The following ADAP1 variants were observed in gnomAD, a reference collection of about 807,000 sequenced individuals.
ADAP1 encodes arf-GAP with dual PH domain-containing protein 1.
A neutral mutation model predicts 54.9 loss-of-function variants in ADAP1; 31 were observed. The ratio of observed to expected loss-of-function variants is 0.56; its 90% CI spans 0.42 to 0.76. The LOEUF is 0.76. ADAP1 is among the 30% of genes least tolerant of loss of function. ADAP1 has a pLI of 0.00. For synonymous variants in ADAP1, 313 were observed against 202.6 expected (o/e 1.55, Z -4.63); for missense variants, 535 against 512.4 (o/e 1.04, Z -0.42).
At position 900,596 on chromosome 7, in the gene ADAP1, A is replaced by G. The variant is rs1383581974; in HGVS notation, c.669T>C (p.Asn223=). The G allele has an allele frequency of 8.1e-6, 13 of 1,608,114 alleles. No individual in the cohort carries two copies. The highest frequency in any genetic ancestry group is 1.4e-5 in the African/African-American group (1 of 73,570). The change falls in exon 7 of 11, where the codon AAT becomes AAC. Residue 223 remains asparagine, a synonymous_variant. Coordinates refer to ENST00000265846, the MANE Select transcript of ADAP1 (RefSeq NM_006869.4). Reference sequence around the variant, plus strand: ...AGTGGAAGCGAGCAGCTCGGAGTGCATTGAACCAGTCCACAATCTCCTAGG... The same window carrying G: ...AGTGGAAGCGAGCAGCTCGGAGTGCGTTGAACCAGTCCACAATCTCCTAGG... ...EDGKEIVDWF[N]ALRAARFHYL...
At chr7:903,303 G>C (rs540858712) in intron 6 of ADAP1, among the ~76,000 whole-genome samples, 1 of 151,880 alleles carries the variant, frequency 6.6e-6, no homozygotes, top group Non-Finnish European at 1.5e-5. Context: ...GGACGGGCAC[G>C]TGGGAGGGGA....
At chr7:907,430 G>C (rs531714325) in intron 4 of ADAP1, among the ~76,000 whole-genome samples, 7 of 152,280 alleles carry the variant, frequency 4.6e-5, no homozygotes, top group Non-Finnish European at 7.4e-5. Context: ...CCCAGAACCA[G>C]CTCTGCCCAC....
intron 4 of ADAP1, among the ~76,000 whole-genome samples, chr7:917,302 AG>A (rs36003242): frequency 4.9e-4 from 3 of 6,130 alleles, no homozygotes; most frequent in Non-Finnish European, 2.7e-4. Flanking sequence ...GGTGCACGGG[AG>A]GGGGGGCGCA....
At chr7:924,061 C>CA (rs1157720819) in intron 3 of ADAP1, among the ~76,000 whole-genome samples, 25 of 140,484 alleles carry the variant, frequency 1.8e-4, no homozygotes, top group East Asian at 4.2e-4. Context: ...CCCCGCCCTC[C>CA]GGGTTACACT....
Position 904,117 on chromosome 7 carries a change from A to T in ADAP1, c.648+9T>A, listed in dbSNP as rs1844965845. The T allele has an allele frequency of 1.9e-6, 3 of 1,611,724 alleles. No homozygotes were observed. In the Admixed American group the frequency reaches 5.0e-5, roughly 27 times the overall value. On this transcript the variant is annotated intron_variant, in intron 6 of 10. Coordinates refer to ENST00000265846, the MANE Select transcript of ADAP1 (RefSeq NM_006869.4). ...TGCCACCCGGGCCCGAGTGCTCGCCAGCACCCACCTTCCCGTCCTCATGGT... is the reference window on the plus strand; with the variant it reads ...TGCCACCCGGGCCCGAGTGCTCGCCTGCACCCACCTTCCCGTCCTCATGGT...
At chr7:929,965 G>A (rs994321791) in intron 2 of ADAP1, among the ~76,000 whole-genome samples, 10 of 151,716 alleles carry the variant, frequency 6.6e-5, no homozygotes, top group Admixed American at 4.6e-4. Context: ...TTAGCCAGGC[G>A]TGGTGGTGCA....
intron 1 of ADAP1, among the ~76,000 whole-genome samples, chr7:940,114 C>T (rs878894357): frequency 4.6e-5 from 7 of 151,986 alleles, no homozygotes; most frequent in South Asian, 2.1e-4. Flanking sequence ...TACATACGTG[C>T]GTGCATACCC....
chr7:934,388 AG>A (rs1012202190), intron 2 of ADAP1, among the ~76,000 whole-genome samples: 2 of 66,122 alleles, frequency 3.0e-5, no homozygotes, highest in African/African-American at 1.0e-4. Flanking sequence ...GTGGTGTTGG[AG>A]AGGGGGGGCC....
At chr7:927,765 C>T (rs953052975) in intron 2 of ADAP1, among the ~76,000 whole-genome samples, 2 of 152,168 alleles carry the variant, frequency 1.3e-5, no homozygotes, top group South Asian at 2.1e-4. Flanking sequence ...GGAAAACTGG[C>T]GTGTGCTCCC....
chr7:939,470 G>A (rs535855028), intron 1 of ADAP1, among the ~76,000 whole-genome samples: 3 of 151,434 alleles, frequency 2.0e-5, no homozygotes, highest in African/African-American at 2.4e-5. Flanking sequence ...CGCCTGCCTC[G>A]GCCTCACAAA....
At chr7:941,122 A>G (rs1451222441) in intron 1 of ADAP1, among the ~76,000 whole-genome samples, 1 of 152,262 alleles carries the variant, frequency 6.6e-6, no homozygotes, top group Non-Finnish European at 1.5e-5. Context: ...ACATCCTGAT[A>G]AAACTCTCAG....
chr7:900,473 T>TGCACCCCC, intron 7 of ADAP1, 60 bp downstream of exon 7: 2 of 1,486,584 alleles, frequency 1.3e-6, no homozygotes, highest in Non-Finnish European at 9.2e-7. Flanking sequence ...GAGGGCTCCG[T>TGCACCCCC]CCACCCCCCA....
intron 3 of ADAP1, among the ~76,000 whole-genome samples, chr7:924,815 G>A (rs1313019812): frequency 6.6e-6 from 1 of 152,000 alleles, no homozygotes; most frequent in Non-Finnish European, 1.5e-5. Context: ...AGTGACCCAG[G>A]CCACAGAGCA....
At chr7:928,158 C>T (rs1846450368) in intron 2 of ADAP1, among the ~76,000 whole-genome samples, 1 of 151,618 alleles carries the variant, frequency 6.6e-6, no homozygotes, top group Admixed American at 6.6e-5. Flanking sequence ...AGTTTGAGGT[C>T]GCAGTGGGCT....
At chr7:919,353 A>G (rs1378358632) in intron 4 of ADAP1, among the ~76,000 whole-genome samples, 1 of 152,098 alleles carries the variant, frequency 6.6e-6, no homozygotes, top group Non-Finnish European at 1.5e-5. Context: ...GGGGCCAGCC[A>G]CGGCCCCACG....
chr7:900,173 G>A lies in ADAP1; in HGVS notation c.733-9C>T, dbSNP rs1405016270. ...GAGAGCTTTGGCACCAGCTAGGGCA[G>A]GACACACCAGGCAGGGGACCTCAGA... On this transcript the variant is annotated splice_polypyrimidine_tract_variant and intron_variant, in intron 7 of 10. Transcript: ENST00000265846. 1 of 1,613,052 alleles carries A rather than the reference G, an allele frequency of 6.2e-7. No homozygotes were observed. The highest frequency in any genetic ancestry group is 8.5e-7 in the Non-Finnish European group (1 of 1,179,928).
rs565473805 is a variant in ADAP1, at chr7:900,705, G to A, written c.649-89C>T. On this transcript the variant is annotated intron_variant, in intron 6 of 10. Coordinates refer to ENST00000265846, the MANE Select transcript of ADAP1 (RefSeq NM_006869.4). ...GGGCTGGGGTCCCCACAGAGGGGCC[G>A]CTTCCCCCAGAGCCCAGCCCCTTCC... 3.0e-3 allele frequency: 3,508 copies of A among 1,151,498 alleles called. 16 individuals are homozygous for A. The highest frequency in any genetic ancestry group is 9.8e-3 in the Middle Eastern group (35 of 3,570). 71.3% of individuals were successfully genotyped at this position (1,151,498 alleles called of 1,614,324 possible). A position where few individuals can be genotyped will look rare whatever the true frequency, so the allele number is the denominator to read the frequency against.
At chr7:935,824 G>A (rs938795489) in intron 1 of ADAP1, among the ~76,000 whole-genome samples, 1 of 152,190 alleles carries the variant, frequency 6.6e-6, no homozygotes, top group Non-Finnish European at 1.5e-5. Flanking sequence ...CCGGGCTGGA[G>A]GGCACCCGGC....
chr7:909,130 C>A (rs974207919), intron 4 of ADAP1, among the ~76,000 whole-genome samples: 1 of 144,226 alleles, frequency 6.9e-6, no homozygotes, highest in Non-Finnish European at 1.5e-5. Flanking sequence ...CCGGTCCTCC[C>A]GACAGCAGGC....
Sources: gnomAD v4.1 joint callset for allele counts (sites outside exome capture counted in the v4.1 genomes callset) on GRCh38, gnomAD v4.1.1 for gene constraint, MANE v1.5 for transcripts, NCBI Gene and HGNC (gene_info 2026-07-23, HGNC 2026-07-21) for gene names.